SYNDIG1L: variants seen among roughly 807,000 people sequenced by gnomAD.
The protein encoded by SYNDIG1L is synapse differentiation-inducing gene protein 1-like.
A neutral mutation model predicts 20.1 loss-of-function variants in SYNDIG1L; 13 were observed. The observed-to-expected ratio is 0.65, with a 90% CI of 0.42 to 1.03. SYNDIG1L has a LOEUF of 1.03. Among genes scored for constraint, SYNDIG1L ranks in the 50% least tolerant of loss-of-function variants. The pLI is 0.00. For synonymous variants in SYNDIG1L, 128 were observed against 129.3 expected (o/e 0.99, Z 0.07); for missense variants, 294 against 305.1 (o/e 0.96, Z 0.27).
rs1051495424 is a variant in SYNDIG1L at position 74,407,684 on chromosome 14, C to T, written c.568G>A (p.Ala190Thr). ...AGGCGGAAGTCCCCTTTGGAGATGG[C>T]CTTGCTGGTCTAGGGAGAGAGACAT... ...AFYFSQGTSK[A>T]ISKGDFRLAS... is the part of the protein sequence containing the mutation. The change falls in exon 4 of 4, where the codon GCC (alanine) becomes ACC (threonine). Residue 190 changes from alanine to threonine, a missense_variant. Transcript: ENST00000331628. 3.7e-6 allele frequency: 6 copies of T among 1,606,242 alleles called. No homozygotes were observed. Among genetic ancestry groups the T allele is most frequent in the Non-Finnish European group, 5.1e-6 (6 of 1,175,986 alleles).
chr14:74,415,322 A>G (rs1595196240), intron 1 of SYNDIG1L, among the ~76,000 whole-genome samples: 1 of 152,150 alleles, frequency 6.6e-6, no homozygotes, highest in Admixed American at 6.5e-5. Flanking sequence ...GCATGCATCA[A>G]CATCACAGGG....
At chr14:74,447,241 A>T in the SYNDIG1L span, among the ~76,000 whole-genome samples, 1 of 152,250 alleles carries the variant, frequency 6.6e-6, no homozygotes, top group African/African-American at 2.4e-5. Context: ...TAATGAAAAA[A>T]GTTTAATTCA....
chr14:74,462,469 A>G, the SYNDIG1L span, among the ~76,000 whole-genome samples: 1 of 151,822 alleles, frequency 6.6e-6, no homozygotes, highest in African/African-American at 2.4e-5. Flanking sequence ...GAATGACAGA[A>G]TGAGACGCTA....
chr14:74,453,844 T>C, the SYNDIG1L span, among the ~76,000 whole-genome samples: 1 of 152,070 alleles, frequency 6.6e-6, no homozygotes, highest in Non-Finnish European at 1.5e-5. Context: ...TGCACACCTG[T>C]AATCCCAGCT....
the SYNDIG1L span, among the ~76,000 whole-genome samples, chr14:74,463,242 A>ACTT: frequency 2.0e-5 from 3 of 151,980 alleles, no homozygotes; most frequent in Admixed American, 6.5e-5. Flanking sequence ...CTAGCTAAAC[A>ACTT]CTTCTTCCTT....
At chr14:74,459,496 C>T in the SYNDIG1L span, among the ~76,000 whole-genome samples, 1 of 152,256 alleles carries the variant, frequency 6.6e-6, no homozygotes, top group South Asian at 2.1e-4. Flanking sequence ...AGTGTGAGAT[C>T]GTGTCTCAAA....
chr14:74,448,909 A>T, the SYNDIG1L span, among the ~76,000 whole-genome samples: 5 of 152,110 alleles, frequency 3.3e-5, no homozygotes, highest in Non-Finnish European at 4.4e-5. Flanking sequence ...TTGCTATTTT[A>T]AAAAATTGGA....
At chr14:74,437,920 C>CA in the SYNDIG1L span, among the ~76,000 whole-genome samples, 1 of 152,094 alleles carries the variant, frequency 6.6e-6, no homozygotes, top group African/African-American at 2.4e-5. Flanking sequence ...GTTCTTCTGC[C>CA]CCCACAGATG....
At chr14:74,457,401 A>C in the SYNDIG1L span, among the ~76,000 whole-genome samples, 1 of 151,932 alleles carries the variant, frequency 6.6e-6, no homozygotes, top group Non-Finnish European at 1.5e-5. Context: ...GAGGAGAAAC[A>C]GCAGCTCCTT....
intron 1 of SYNDIG1L, among the ~76,000 whole-genome samples, chr14:74,424,886 C>T (rs4899512): frequency 0.91 from 138,422 of 152,128 alleles, 63,171 homozygotes; most frequent in East Asian, 0.99. Context: ...ATCCCCACTC[C>T]AGGGGTGAGG....
chr14:74,410,388 G>A (rs1366783180), intron 1 of SYNDIG1L, among the ~76,000 whole-genome samples: 2 of 152,160 alleles, frequency 1.3e-5, no homozygotes, highest in Non-Finnish European at 2.9e-5. Context: ...ACAGGAAAAG[G>A]CAGGTGTGGT....
the SYNDIG1L span, among the ~76,000 whole-genome samples, chr14:74,451,306 A>G: frequency 1.3e-5 from 2 of 152,324 alleles, no homozygotes; most frequent in African/African-American, 4.8e-5. Context: ...AAAACAATTA[A>G]GTGGAGAAAG....
At chr14:74,461,299 G>T in the SYNDIG1L span, among the ~76,000 whole-genome samples, 31 of 152,170 alleles carry the variant, frequency 2.0e-4, no homozygotes, top group East Asian at 5.2e-3. Context: ...TCCTGAGCTC[G>T]CCATTAGCTC....
At chr14:74,461,629 C>T in the SYNDIG1L span, among the ~76,000 whole-genome samples, 1 of 151,832 alleles carries the variant, frequency 6.6e-6, no homozygotes, top group East Asian at 1.9e-4. Context: ...GGCTTCTTCT[C>T]ATTAGCATTT....
chr14:74,476,732 C>T, the SYNDIG1L span: 1 of 627,298 alleles, frequency 1.6e-6, no homozygotes, highest in East Asian at 2.8e-5. Flanking sequence ...ACCCTCCCCT[C>T]CACCCCTTTT....
At chr14:74,444,971 G>A in the SYNDIG1L span, among the ~76,000 whole-genome samples, 1 of 152,178 alleles carries the variant, frequency 6.6e-6, no homozygotes, top group Non-Finnish European at 1.5e-5. Context: ...TAGTTTGGAT[G>A]CTTATTCCCT....
At chr14:74,426,698 T>C (rs2086269437), upstream of SYNDIG1L, among the ~76,000 whole-genome samples, 1 of 151,256 alleles carries the variant, frequency 6.6e-6, no homozygotes, top group African/African-American at 2.4e-5. Flanking sequence ...AGTGCCCCTC[T>C]TCCCCTCTTC....
At chr14:74,429,278 C>T (rs2086287260), upstream of SYNDIG1L, among the ~76,000 whole-genome samples, 1 of 152,140 alleles carries the variant, frequency 6.6e-6, no homozygotes, top group South Asian at 2.1e-4. Context: ...GGAGGGGATG[C>T]CCTCGTGTCC....
At chr14:74,432,053 C>G in the SYNDIG1L span, among the ~76,000 whole-genome samples, 1 of 151,770 alleles carries the variant, frequency 6.6e-6, no homozygotes, top group African/African-American at 2.4e-5. Context: ...AAAAAATGCC[C>G]AGAGAGAAGG....
Sources: allele counts gnomAD v4.1 joint callset (sites outside exome capture counted in the v4.1 genomes callset), GRCh38; gene constraint gnomAD v4.1.1; transcripts MANE v1.5; gene names NCBI Gene and HGNC (gene_info 2026-07-23, HGNC 2026-07-21).